KIF3A: variants seen among roughly 807,000 people sequenced by gnomAD.
KIF3A encodes kinesin family member 3A.
In KIF3A, 27 loss-of-function variants were observed where a neutral mutation model predicts 92.6. The observed-to-expected ratio is 0.29, with a 90% CI of 0.21 to 0.40. The LOEUF (loss-of-function observed/expected upper bound fraction) is 0.40, where lower values mean the gene tolerates loss of function less well. Ranked by LOEUF, KIF3A falls within the 10% of genes least tolerant of loss-of-function variation. The pLI is 1.00. For synonymous variants in KIF3A, 250 were observed against 275.4 expected (o/e 0.91, Z 0.92); for missense variants, 581 against 872.6 (o/e 0.67, Z 4.21).
At chr5:132,727,146 G>A (rs1413856897) in intron 2 of KIF3A, among the ~76,000 whole-genome samples, 1 of 152,162 alleles carries the variant, frequency 6.6e-6, no homozygotes, top group Non-Finnish European at 1.5e-5. Context: ...ACAAAAAGAT[G>A]ACAATACAAT....
At position 132,695,662 on chromosome 5, in the gene KIF3A, AAAAC is replaced by A. The variant is rs1173164328; in HGVS notation, c.*968_*971del. On this transcript the variant is annotated 3_prime_UTR_variant, in exon 19 of 19. Coordinates refer to ENST00000403231, the MANE Select transcript of KIF3A (RefSeq NM_001300791.2). Reference sequence around the variant, plus strand: ...AATAATATTTTATTTTTAAAATAGAAAAACAAAATAAAAAAGTGTTTTAAAGGCA... The same window carrying A: ...AATAATATTTTATTTTTAAAATAGAAAAAATAAAAAAGTGTTTTAAAGGCA... 1 of 26,040 alleles carries A rather than the reference AAAAC, an allele frequency of 3.8e-5. No homozygotes were observed. Among genetic ancestry groups the A allele is most frequent in the African/African-American group, 5.3e-4 (1 of 1,898 alleles). The allele number at this position is 26,040 out of a possible 1,614,324, so 1.6% of individuals were successfully genotyped here.
chr5:132,703,693 A>G (rs533312624), intron 11 of KIF3A, 74 bp from the exon 12 acceptor site: 2 of 1,043,506 alleles, frequency 1.9e-6, no homozygotes, highest in South Asian at 3.1e-5. Context: ...TACCTCCTTC[A>G]ATATAGAAAT....
rs1327685472 is a variant in KIF3A at position 132,737,499 on chromosome 5, A to T, written c.-80T>A. 3 of 1,535,828 alleles carry T rather than the reference A, an allele frequency of 2.0e-6. No individual in the cohort carries two copies. The highest frequency in any genetic ancestry group is 2.3e-5 in the South Asian group (2 of 85,914). On this transcript the variant is annotated 5_prime_UTR_variant, in exon 1 of 19. Coordinates refer to ENST00000403231, the MANE Select transcript of KIF3A (RefSeq NM_001300791.2). Reference sequence around the variant, plus strand: ...CACCGGGTGCGCAGAAAGGATGGCCAGAGACTACCGAAACACCTCGTTGAC... The same window carrying T: ...CACCGGGTGCGCAGAAAGGATGGCCTGAGACTACCGAAACACCTCGTTGAC...
chr5:132,692,064 T>C (rs1209305002), downstream of KIF3A, among the ~76,000 whole-genome samples: 1 of 152,142 alleles, frequency 6.6e-6, no homozygotes, highest in Non-Finnish European at 1.5e-5. Flanking sequence ...GTGGTACATA[T>C]ACACCATGGA....
intron 4 of KIF3A, chr5:132,723,070 G>A (rs767552919): frequency 6.6e-6 from 1 of 152,096 alleles, no homozygotes; most frequent in Non-Finnish European, 1.5e-5. Flanking sequence ...GGACAAAAAC[G>A]TATGTTATTT....
At chr5:132,721,125 G>T (rs1753809557) in intron 4 of KIF3A, among the ~76,000 whole-genome samples, 1 of 152,228 alleles carries the variant, frequency 6.6e-6, no homozygotes, top group South Asian at 2.1e-4. Flanking sequence ...AACCGAAAAA[G>T]ACAATGTGGC....
intron 8 of KIF3A, among the ~76,000 whole-genome samples, chr5:132,714,208 C>T (rs989463793): frequency 1.3e-5 from 2 of 151,908 alleles, no homozygotes; most frequent in Non-Finnish European, 2.9e-5. Flanking sequence ...ATTCCGCTTT[C>T]GTAAGATACC....
rs906443000 is a variant in KIF3A, at chr5:132,720,626, G to A, written c.599C>T (p.Thr200Met). 1.3e-5 allele frequency: 21 copies of A among 1,606,180 alleles called. No homozygotes were observed. Among genetic ancestry groups the A allele is most frequent in the Non-Finnish European group, 1.6e-5 (19 of 1,174,740 alleles). Residue 200 changes from threonine to methionine, a missense_variant, in exon 5 of 19, where the codon ACG (threonine) becomes ATG (methionine). Physicochemically the swap from Thr to Met is moderately conservative, Grantham distance 81. Coordinates refer to ENST00000403231, the MANE Select transcript of KIF3A (RefSeq NM_001300791.2). Reference protein sequence around the residue: ...NNADDMDRIMTLGHKNRSVGA... With the variant: ...NNADDMDRIMMLGHKNRSVGA... The stretch of plus-strand genomic sequence containing the variant: ...ATACTTACGATTTTTGTGGCCTAGC[G>A]TCATAATTCTATCCATATCATCAGC...
At chr5:132,689,988 G>T (rs989065905), downstream of KIF3A, among the ~76,000 whole-genome samples, 6 of 152,172 alleles carry the variant, frequency 3.9e-5, no homozygotes, top group African/African-American at 1.4e-4. Context: ...GGGAAGCTGA[G>T]GCAGGCAGAT....
chr5:132,716,970 T>A lies in KIF3A; in HGVS notation c.631A>T (p.Thr211Ser). ...LGHKNRSVGATNMNEHSSRSH... is the reference protein window; with the variant it reads ...LGHKNRSVGASNMNEHSSRSH... The stretch of plus-strand genomic sequence containing the variant: ...CGGGAACTATGTTCGTTCATATTAG[T>A]TGCACCAACAGAACCTTTAATAAAT... Residue 211 changes from threonine (T) to serine (S), a missense_variant, in exon 6 of 19, where the codon ACT becomes TCT. Coordinates refer to ENST00000403231, the MANE Select transcript of KIF3A (RefSeq NM_001300791.2). The A allele has an allele frequency of 5.6e-6, 9 of 1,613,558 alleles. No individual in the cohort carries two copies. The highest frequency in any genetic ancestry group is 7.6e-6 in the Non-Finnish European group (9 of 1,179,724).
At chr5:132,692,530 C>T (rs1486297945), downstream of KIF3A, 1 of 152,298 alleles carries the variant, frequency 6.6e-6, no homozygotes, top group Non-Finnish European at 1.5e-5. Context: ...CTCTCTTAAC[C>T]ACAAATTGAG....
chr5:132,737,168 G>C (rs1435267198), intron 1 of KIF3A, among the ~76,000 whole-genome samples: 1 of 152,230 alleles, frequency 6.6e-6, no homozygotes, highest in Non-Finnish European at 1.5e-5. Context: ...AGCGGCGCAG[G>C]CCCCACGGGA....
chr5:132,717,239 C>T lies in KIF3A; in HGVS notation c.617-255G>A, dbSNP rs182711628. Among the ~76,000 whole-genome samples the T allele has an allele frequency of 1.6e-4, 25 of 152,172 alleles. No individual in the cohort carries two copies. In the East Asian group the frequency reaches 4.1e-3, roughly 25 times the overall value. On this transcript the variant is annotated intron_variant, in intron 5 of 18. Coordinates refer to ENST00000403231, the MANE Select transcript of KIF3A (RefSeq NM_001300791.2). ...AAAATAATTTCAATCCCTAGTAATA[C>T]TGCCTAAAAAATAACTAATTTACAC...
chr5:132,699,873 C>T, intron 17 of KIF3A, among the ~76,000 whole-genome samples: 1 of 152,048 alleles, frequency 6.6e-6, no homozygotes, highest in Non-Finnish European at 1.5e-5. Context: ...GCTCCCTCTT[C>T]TTCTTGACCT....
chr5:132,718,550 T>C (rs1355405040), intron 5 of KIF3A, among the ~76,000 whole-genome samples: 1 of 152,188 alleles, frequency 6.6e-6, no homozygotes, highest in Admixed American at 6.5e-5. Flanking sequence ...CCTCAAGTGA[T>C]CCATCCGCCT....
intron 8 of KIF3A, among the ~76,000 whole-genome samples, chr5:132,712,161 G>A (rs1197122765): frequency 6.6e-6 from 1 of 152,160 alleles, no homozygotes; most frequent in Non-Finnish European, 1.5e-5. Flanking sequence ...GTAGTAATGA[G>A]CACAGCTAGT....
intron 2 of KIF3A, among the ~76,000 whole-genome samples, chr5:132,727,424 C>G (rs61629351): frequency 6.6e-6 from 1 of 151,960 alleles, no homozygotes; most frequent in Admixed American, 6.6e-5. Context: ...GAGAGGGGGT[C>G]AGGGAGGACT....
chr5:132,718,556 C>T lies in KIF3A; in HGVS notation c.617-1572G>A, dbSNP rs1444860069. On this transcript the variant is annotated intron_variant, in intron 5 of 18. Transcript: ENST00000403231. Reference sequence around the variant, plus strand: ...AACTCCTGGCCTCAAGTGATCCATCCGCCTCAGCCACCCAGAGTGCTGGGA... The same window carrying T: ...AACTCCTGGCCTCAAGTGATCCATCTGCCTCAGCCACCCAGAGTGCTGGGA... Among the ~76,000 whole-genome samples the T allele has an allele frequency of 6.6e-5, 10 of 152,154 alleles. No homozygotes were observed. In the South Asian group the frequency reaches 1.0e-3, roughly 16 times the overall value.
intron 5 of KIF3A, among the ~76,000 whole-genome samples, chr5:132,718,995 G>A (rs1375243749): frequency 1.2e-4 from 18 of 152,136 alleles, no homozygotes; most frequent in Admixed American, 1.2e-3. Context: ...TACATAATCA[G>A]GGTTTTATTG....
Sources: allele counts gnomAD v4.1 joint callset (sites outside exome capture counted in the v4.1 genomes callset), GRCh38; gene constraint gnomAD v4.1.1; transcripts MANE v1.5; gene names NCBI Gene and HGNC (gene_info 2026-07-23, HGNC 2026-07-21).